SLC16A9: variants seen among roughly 807,000 people sequenced by gnomAD.
SLC16A9 encodes solute carrier family 16 member 9.
Under a neutral mutation model 44.3 loss-of-function variants are expected in SLC16A9, and 26 were observed. The ratio of observed to expected loss-of-function variants is 0.59; its 90% CI spans 0.43 to 0.81. The LOEUF (loss-of-function observed/expected upper bound fraction) is 0.81. SLC16A9 is among the 40% of genes least tolerant of loss of function. The pLI, the probability that SLC16A9 is intolerant of heterozygous loss-of-function variation, is 0.00. For synonymous variants in SLC16A9, 230 were observed against 225.1 expected (o/e 1.02, Z -0.19); for missense variants, 559 against 595.8 (o/e 0.94, Z 0.64).
intron 2 of SLC16A9, among the ~76,000 whole-genome samples, chr10:59,673,863 G>T (rs140841453): frequency 2.0e-5 from 3 of 152,036 alleles, no homozygotes; most frequent in African/African-American, 7.2e-5. Flanking sequence ...ACACATTAAG[G>T]GTGTATCACA....
At chr10:59,696,587 T>C (rs368214901) in intron 1 of SLC16A9, among the ~76,000 whole-genome samples, 38 of 146,324 alleles carry the variant, frequency 2.6e-4, no homozygotes, top group East Asian at 1.5e-3. Context: ...GTGAGGAGCC[T>C]CTCTGCCTGG....
At chr10:59,670,250 C>G (rs756527950) in intron 3 of SLC16A9, among the ~76,000 whole-genome samples, 1 of 152,072 alleles carries the variant, frequency 6.6e-6, no homozygotes, top group Non-Finnish European at 1.5e-5. Flanking sequence ...TGAATAGTCA[C>G]AATACCTCCA....
intron 4 of SLC16A9, among the ~76,000 whole-genome samples, chr10:59,654,969 C>T (rs1298553849): frequency 2.6e-5 from 4 of 152,150 alleles, no homozygotes. Flanking sequence ...CACACTCAGT[C>T]AGTTTGAACC....
At position 59,681,663 on chromosome 10, in the gene SLC16A9, GA is replaced by G. The variant is rs368547953; in HGVS notation, c.196+2432del. ...TGTGTATGTGTATGTATATGTATAT[GA>G]TGTATATGTATATGTATATGTATAT... On this transcript the variant is annotated intron_variant, in intron 2 of 5. Transcript: ENST00000395348. Among the ~76,000 whole-genome samples, 117 of 2,736 alleles carry G rather than the reference GA, an allele frequency of 0.043. 43 individuals are homozygous for G. In the South Asian group the frequency reaches 0.5, roughly 12 times the overall value. The allele number at this position is 2,736 out of a possible 152,430, so 1.8% of individuals were successfully genotyped here. A position where few individuals can be genotyped will look rare whatever the true frequency, so the allele number is the denominator to read the frequency against.
At chr10:59,661,533 G>A (rs557355713) in intron 4 of SLC16A9, among the ~76,000 whole-genome samples, 4 of 152,282 alleles carry the variant, frequency 2.6e-5, no homozygotes, top group Non-Finnish European at 4.4e-5. Context: ...CCATGCTGAT[G>A]CATAGGAAGA....
rs1839229509 is a variant in SLC16A9 at position 59,652,638 on chromosome 10, T to C, written c.*134A>G. 1.4e-6 allele frequency: 1 copy of C among 720,548 alleles called. No homozygotes were observed. Among genetic ancestry groups the C allele is most frequent in the Non-Finnish European group, 2.2e-6 (1 of 456,056 alleles). The allele number at this position is 720,548 out of a possible 1,614,324, so 44.6% of individuals were successfully genotyped here. ...AATAGGATATATAAAAAAAAATAAT[T>C]CATTCAGAGTCAGTCATTGTGAAAT... On this transcript the variant is annotated 3_prime_UTR_variant, in exon 6 of 6. Transcript: ENST00000395348.
In SLC16A9 at chr10:59,659,366, G is replaced by A. The variant is rs147181581; in HGVS notation, c.437-4777C>T. On this transcript the variant is annotated intron_variant, in intron 4 of 5. Coordinates refer to ENST00000395348, the MANE Select transcript of SLC16A9 (RefSeq NM_194298.3). ...AGTGGCCTTAGGGATGTTAATTTTC[G>A]TTCCTTTTCTCCTATCTTTAAAGAA... is the stretch of plus-strand genomic sequence containing the variant. 7.5e-3 allele frequency among the ~76,000 whole-genome samples: 1,135 copies of A among 152,040 alleles called. 8 individuals carry two copies. The highest frequency in any genetic ancestry group is 0.011 in the Non-Finnish European group (760 of 67,966).
chr10:59,653,829 C>T lies in SLC16A9; in HGVS notation c.1197G>A (p.Ala399=), dbSNP rs574548077. ...GAAACCCTAGGATCCCAGAAAGCAA[C>T]GCCAATGTGACATAGCTTTTGGCAA... ...IPFAKSYVTL[A]LLSGILGFLT... Residue 399 remains alanine (A), a synonymous_variant, in exon 5 of 6, where the codon GCG becomes GCA. Transcript: ENST00000395348. The T allele has an allele frequency of 1.9e-6, 3 of 1,614,082 alleles. No individual in the cohort carries two copies. Among genetic ancestry groups the T allele is most frequent in the Admixed American group, 1.7e-5 (1 of 60,024 alleles).
intron 1 of SLC16A9, among the ~76,000 whole-genome samples, chr10:59,705,651 C>T (rs1034096325): frequency 6.6e-6 from 1 of 152,100 alleles, no homozygotes; most frequent in Non-Finnish European, 1.5e-5. Flanking sequence ...CATAGGAATG[C>T]AGGTTTGGGG....
intron 2 of SLC16A9, among the ~76,000 whole-genome samples, chr10:59,680,933 A>G (rs556679130): frequency 1.2e-4 from 18 of 151,964 alleles, no homozygotes; most frequent in Non-Finnish European, 2.4e-4. Context: ...CAGTGAGCCA[A>G]TATAGCACCA....
At chr10:59,658,776 C>T (rs998825345) in intron 4 of SLC16A9, among the ~76,000 whole-genome samples, 4 of 152,184 alleles carry the variant, frequency 2.6e-5, no homozygotes, top group Non-Finnish European at 4.4e-5. Flanking sequence ...TCCACCTAGA[C>T]CACAATTCAC....
At chr10:59,672,089 C>T (rs1373013091) in intron 3 of SLC16A9, among the ~76,000 whole-genome samples, 13 of 152,036 alleles carry the variant, frequency 8.6e-5, no homozygotes, top group Non-Finnish European at 1.5e-5. Context: ...AAGTCCCTAC[C>T]AACAGTCCCT....
At chr10:59,699,056 A>G (rs752267768) in intron 1 of SLC16A9, among the ~76,000 whole-genome samples, 2 of 152,130 alleles carry the variant, frequency 1.3e-5, no homozygotes, top group Non-Finnish European at 2.9e-5. Context: ...AGTCGAGTTT[A>G]TCTTTGCATT....
Position 59,654,427 on chromosome 10 carries a change from T to C in SLC16A9, c.599A>G (p.Lys200Arg). Residue 200 changes from lysine to arginine, a missense_variant, in exon 5 of 6, where the codon AAA becomes AGA. By Grantham distance (26) the Lys-to-Arg change is conservative. Transcript: ENST00000395348. ...PLQSSDCPLP[K>R]KIAPEDLPDK... ...TGGTAGATCTTCTGGAGCTATTTTT[T>C]TAGGCAAAGGACAATCAGAAGATTG... 6.2e-7 allele frequency: 1 copy of C among 1,613,668 alleles called. No homozygotes were observed.
At chr10:59,676,720 C>G (rs938078028) in intron 2 of SLC16A9, among the ~76,000 whole-genome samples, 3 of 152,036 alleles carry the variant, frequency 2.0e-5, no homozygotes, top group Admixed American at 2.0e-4. Context: ...GTCAGGAGTT[C>G]AAGACCAGGT....
chr10:59,683,947 C>G, intron 2 of SLC16A9, 149 bp downstream of exon 2: 1 of 530,460 alleles, frequency 1.9e-6, no homozygotes, highest in Non-Finnish European at 3.1e-6. Context: ...TGATTTATTA[C>G]AGTGAAAGTA....
rs771721869 is a variant in SLC16A9 at position 59,672,753 on chromosome 10, G to A, written c.340+17C>T. The A allele has an allele frequency of 1.9e-6, 3 of 1,606,384 alleles. No individual in the cohort carries two copies. The highest frequency in any genetic ancestry group is 2.2e-5 in the South Asian group (2 of 89,562). On this transcript the variant is annotated intron_variant, in intron 3 of 5. Coordinates refer to ENST00000395348, the MANE Select transcript of SLC16A9 (RefSeq NM_194298.3). ...TCTCTTGAAGGTTAGGAAAGTCATA[G>A]TGACGAGGTTCCTTACCTACAACAA...
intron 1 of SLC16A9, among the ~76,000 whole-genome samples, chr10:59,699,646 A>G (rs909818503): frequency 1.3e-5 from 2 of 152,140 alleles, no homozygotes; most frequent in Non-Finnish European, 2.9e-5. Flanking sequence ...TAAAGCACTT[A>G]GCCCAGTGCC....
chr10:59,699,300 G>A (rs918435059), intron 1 of SLC16A9, among the ~76,000 whole-genome samples: 22 of 152,194 alleles, frequency 1.4e-4, no homozygotes, highest in African/African-American at 5.3e-4. Context: ...GTGATCATTT[G>A]GTAAAGGTAT....
Sources: gnomAD v4.1 joint callset for allele counts (sites outside exome capture counted in the v4.1 genomes callset) on GRCh38, gnomAD v4.1.1 for gene constraint, MANE v1.5 for transcripts, NCBI Gene and HGNC (gene_info 2026-07-23, HGNC 2026-07-21) for gene names.